CDH23: variants seen among roughly 807,000 people sequenced by gnomAD.
CDH23 encodes cadherin related 23.
CDH23 carries 189 observed loss-of-function variants against 317.1 expected under a neutral mutation model. The observed-to-expected ratio is 0.60, with a 90% CI of 0.53 to 0.67. The LOEUF (loss-of-function observed/expected upper bound fraction) is 0.67, where lower values mean the gene tolerates loss of function less well. Among genes scored for constraint, CDH23 ranks in the 30% least tolerant of loss-of-function variants. The probability of loss-of-function intolerance (pLI) is 0.00; values close to 1 mark genes in which losing one functional copy is unlikely to be tolerated. For missense variants in CDH23, 4,401 were observed against 4,592.4 expected, an observed-to-expected ratio of 0.96 and a Z score of 1.20; for synonymous variants, 1,839 against 1,876.8, an observed-to-expected ratio of 0.98 and a Z score of 0.52.
intron 64 of CDH23, 34 bp from the exon 65 acceptor site, chr10:71,811,679 C>T (rs549450830): frequency 1.4e-5 from 22 of 1,613,044 alleles, no homozygotes; most frequent in African/African-American, 9.3e-5. Context: ...GTCAGCTTGG[C>T]CCCCCTCACC....
intron 9 of CDH23, among the ~76,000 whole-genome samples, chr10:71,601,071 C>A (rs1860188029): frequency 6.6e-6 from 1 of 152,158 alleles, no homozygotes; most frequent in Non-Finnish European, 1.5e-5. Flanking sequence ...TGACCAGAAT[C>A]ATCTGCTTTG....
In CDH23 at chr10:71,545,541, A is replaced by C. The variant is rs1856226332; in HGVS notation, c.430-21201A>C. Among the ~76,000 whole-genome samples, 12 of 152,268 alleles carry C rather than the reference A, an allele frequency of 7.9e-5. 1 individual carries two copies. The South Asian group carries it at 2.5e-3, about 32-fold the overall frequency. Reference sequence around the variant, plus strand: ...TGATAAGCTTTAGATGCCACATACCATCTTCCTATTTGCTATCATTCATTT... The same window carrying C: ...TGATAAGCTTTAGATGCCACATACCCTCTTCCTATTTGCTATCATTCATTT... On this transcript the variant is annotated intron_variant, in intron 6 of 69. Transcript: ENST00000224721.
chr10:71,677,187 G>C (rs1192093482), intron 15 of CDH23, among the ~76,000 whole-genome samples: 1 of 152,122 alleles, frequency 6.6e-6, no homozygotes, highest in African/African-American at 2.4e-5. Context: ...CCTGTTCATA[G>C]CAGGAGGGTT....
intron 6 of CDH23, among the ~76,000 whole-genome samples, chr10:71,515,880 C>G (rs566878550): frequency 6.6e-6 from 1 of 152,306 alleles, no homozygotes; most frequent in South Asian, 2.1e-4. Flanking sequence ...CTAACTACAT[C>G]TAAATGTATT....
chr10:71,796,170 G>A (rs1018062229), intron 48 of CDH23: 9 of 826,786 alleles, frequency 1.1e-5, no homozygotes, highest in East Asian at 2.5e-4. Flanking sequence ...AGATACCCCT[G>A]TACCTGAGAG....
chr10:71,797,203 C>T lies in CDH23; in HGVS notation c.6812C>T (p.Ser2271Phe). ...AATGCCAGCGACCTACCAGAGCGCT[C>T]TGTCAGTGTGCCAAATGGTAAGGTT... ...IDNASDLPER[S>F]VSVPNAKLTV... Residue 2271 changes from serine (S) to phenylalanine (F), a missense_variant, in exon 49 of 70, where the codon TCT becomes TTT. Transcript: ENST00000224721. The T allele has an allele frequency of 6.2e-7, 1 of 1,612,260 alleles. No individual in the cohort carries two copies. Among genetic ancestry groups the T allele is most frequent in the Non-Finnish European group, 8.5e-7 (1 of 1,178,886 alleles).
intron 6 of CDH23, among the ~76,000 whole-genome samples, chr10:71,537,812 C>T (rs1589180294): frequency 2.0e-5 from 3 of 152,340 alleles, no homozygotes; most frequent in Admixed American, 2.0e-4. Flanking sequence ...CTTCGTTTCC[C>T]TCTCCTGACT....
At chr10:71,528,701 G>T (rs1855183299) in intron 6 of CDH23, among the ~76,000 whole-genome samples, 1 of 152,198 alleles carries the variant, frequency 6.6e-6, no homozygotes, top group Non-Finnish European at 1.5e-5. Context: ...GGGTCTATTG[G>T]CAAGGAGTAG....
chr10:71,645,794 C>T, intron 12 of CDH23, 37 bp from the exon 13 acceptor site: 2 of 1,602,026 alleles, frequency 1.2e-6, no homozygotes, highest in Non-Finnish European at 1.7e-6. Flanking sequence ...GGCCACTGTG[C>T]CCTTCCTGAC....
At chr10:71,447,849 T>G (rs1381994690) in intron 3 of CDH23, among the ~76,000 whole-genome samples, 2 of 152,204 alleles carry the variant, frequency 1.3e-5, no homozygotes, top group African/African-American at 2.4e-5. Context: ...GGAATTCACC[T>G]GTGACTCCTC....
At chr10:71,546,375 C>T (rs17708405) in intron 6 of CDH23, among the ~76,000 whole-genome samples, 4,258 of 152,246 alleles carry the variant, frequency 0.028, 71 homozygotes, top group Middle Eastern at 0.044. Flanking sequence ...ATGATGGTAC[C>T]GGAGCTACTG....
chr10:71,731,148 G>A (rs1316024849), intron 31 of CDH23, among the ~76,000 whole-genome samples: 1 of 152,200 alleles, frequency 6.6e-6, no homozygotes, highest in Non-Finnish European at 1.5e-5. Flanking sequence ...AAATGAAGGG[G>A]AAGCATGCCG....
chr10:71,519,222 A>T (rs796336027), intron 6 of CDH23, among the ~76,000 whole-genome samples: 1 of 152,132 alleles, frequency 6.6e-6, no homozygotes, highest in African/African-American at 2.4e-5. Flanking sequence ...TCACCGGAAC[A>T]CCTTTTATTG....
intron 11 of CDH23, among the ~76,000 whole-genome samples, chr10:71,641,899 G>A (rs1419611234): frequency 2.0e-5 from 3 of 152,042 alleles, no homozygotes; most frequent in Non-Finnish European, 2.9e-5. Context: ...GCCAACAGGC[G>A]AAAACCCGTC....
intron 3 of CDH23, among the ~76,000 whole-genome samples, chr10:71,474,940 G>A (rs1449022602): frequency 6.6e-6 from 1 of 152,222 alleles, no homozygotes; most frequent in South Asian, 2.1e-4. Flanking sequence ...CATTGGCTTG[G>A]TCAATGTCTA....
intron 41 of CDH23, among the ~76,000 whole-genome samples, chr10:71,781,111 G>A (rs1840941458): frequency 6.6e-6 from 1 of 152,168 alleles, no homozygotes; most frequent in Non-Finnish European, 1.5e-5. Flanking sequence ...GGCTGGAGAC[G>A]GGTATTTGGG....
In CDH23 at chr10:71,811,532, A is replaced by G; in HGVS notation, c.9220A>G (p.Ile3074Val). ...ALQMAIIVLA[I>V]LLFLAAMLFV... The stretch of plus-strand genomic sequence containing the variant: ...GCAGATGGCGATCATCGTCCTGGCT[A>G]TCCTCCTGTTCCTGGCCGCCATGCT... The change falls in exon 64 of 70, where the codon ATC (isoleucine) becomes GTC (valine). Residue 3074 changes from isoleucine (I) to valine (V), a missense_variant. Ile to Val is a conservative substitution (Grantham distance 29). Coordinates refer to ENST00000224721, the MANE Select transcript of CDH23 (RefSeq NM_022124.6). 6.2e-7 allele frequency: 1 copy of G among 1,613,826 alleles called. No homozygotes were observed. The highest frequency in any genetic ancestry group is 8.5e-7 in the Non-Finnish European group (1 of 1,179,832).
At chr10:71,536,504 A>G (rs1049442560) in intron 6 of CDH23, among the ~76,000 whole-genome samples, 2 of 152,218 alleles carry the variant, frequency 1.3e-5, no homozygotes, top group Non-Finnish European at 2.9e-5. Flanking sequence ...GAGTGACGGC[A>G]TGACACAAAT....
At chr10:71,465,828 T>C (rs959365006) in intron 3 of CDH23, among the ~76,000 whole-genome samples, 3 of 151,530 alleles carry the variant, frequency 2.0e-5, no homozygotes, top group Non-Finnish European at 4.4e-5. Context: ...TTCAGTGGAG[T>C]TGGAAAAATA....
Sources: gnomAD v4.1 joint callset for allele counts (sites outside exome capture counted in the v4.1 genomes callset) on GRCh38, gnomAD v4.1.1 for gene constraint, MANE v1.5 for transcripts, NCBI Gene and HGNC (gene_info 2026-07-23, HGNC 2026-07-21) for gene names.